The following PLAAT3 variants were observed in gnomAD, a reference collection of about 807,000 sequenced individuals.
The protein encoded by PLAAT3 is phospholipase A and acyltransferase 3.
A neutral mutation model predicts 16.7 loss-of-function variants in PLAAT3; 21 were observed. That is an observed-to-expected ratio of 1.26 (90% CI 0.89 to 1.81). The LOEUF (loss-of-function observed/expected upper bound fraction) is 1.81, where lower values mean the gene tolerates loss of function less well. Ranked by LOEUF, PLAAT3 falls within the 40% of genes most tolerant of loss-of-function variation. The probability of loss-of-function intolerance (pLI) is 0.00; values close to 1 mark genes in which losing one functional copy is unlikely to be tolerated. For synonymous variants in PLAAT3, 76 were observed against 81.7 expected (o/e 0.93, Z 0.38); for missense variants, 219 against 213.7 (o/e 1.02, Z -0.16).
intron 2 of PLAAT3, among the ~76,000 whole-genome samples, chr11:63,606,111 G>A (rs904232301): frequency 2.0e-5 from 3 of 152,086 alleles, no homozygotes; most frequent in Non-Finnish European, 4.4e-5. Context: ...CGCGGTGTAA[G>A]CGGCCAACGA....
intron 2 of PLAAT3, among the ~76,000 whole-genome samples, chr11:63,610,818 C>T (rs1263516550): frequency 4.6e-5 from 7 of 151,980 alleles, no homozygotes; most frequent in Non-Finnish European, 7.4e-5. Flanking sequence ...TCAAGGATGG[C>T]GCAGGTGGAG....
At chr11:63,605,991 C>G (rs761683614) in intron 2 of PLAAT3, among the ~76,000 whole-genome samples, 1 of 152,194 alleles carries the variant, frequency 6.6e-6, no homozygotes, top group Non-Finnish European at 1.5e-5. Flanking sequence ...CAGTCTTGAT[C>G]CGCAGCTGTG....
chr11:63,615,220 G>GTA (rs1565259913), upstream of PLAAT3, among the ~76,000 whole-genome samples: 616 of 54,378 alleles, frequency 0.011, 26 homozygotes, highest in African/African-American at 0.04. Context: ...ATATATATGT[G>GTA]TATATATGTG....
chr11:63,593,661 T>G (rs1261507227), intron 3 of PLAAT3, among the ~76,000 whole-genome samples: 1 of 124,138 alleles, frequency 8.1e-6, no homozygotes, highest in Non-Finnish European at 1.8e-5. Context: ...CTCCGCCTCC[T>G]GCTCGTGCCT....
intron 2 of PLAAT3, among the ~76,000 whole-genome samples, chr11:63,602,819 G>T (rs531175595): frequency 2.0e-5 from 3 of 152,120 alleles, no homozygotes; most frequent in African/African-American, 4.8e-5. Flanking sequence ...ATGGCCAGGC[G>T]CAGCGGCTCA....
chr11:63,585,971 C>A (rs1937961361), intron 4 of PLAAT3, among the ~76,000 whole-genome samples: 1 of 152,082 alleles, frequency 6.6e-6, no homozygotes, highest in African/African-American at 2.4e-5. Flanking sequence ...AATTCCAGCA[C>A]TTTGGGAGAC....
chr11:63,612,826 T>G (rs1001445134), intron 2 of PLAAT3, among the ~76,000 whole-genome samples: 14 of 152,246 alleles, frequency 9.2e-5, no homozygotes, highest in African/African-American at 3.1e-4. Flanking sequence ...TATAAGGTTT[T>G]TACTGTCATG....
intron 3 of PLAAT3, among the ~76,000 whole-genome samples, chr11:63,592,880 G>A (rs543456376): frequency 6.6e-6 from 1 of 152,338 alleles, no homozygotes; most frequent in African/African-American, 2.4e-5. Flanking sequence ...TTTCTCAGCA[G>A]CAGAAGGTCA....
chr11:63,597,851 C>A (rs1271896413), intron 3 of PLAAT3, among the ~76,000 whole-genome samples: 2 of 152,220 alleles, frequency 1.3e-5, no homozygotes, highest in African/African-American at 4.8e-5. Context: ...GACCCCTGCT[C>A]TAAAGAACCC....
At chr11:63,593,666 G>A (rs892055081) in intron 3 of PLAAT3, among the ~76,000 whole-genome samples, 6 of 124,038 alleles carry the variant, frequency 4.8e-5, no homozygotes, top group East Asian at 2.6e-4. Context: ...CCTCCTGCTC[G>A]TGCCTCAGCC....
intron 4 of PLAAT3, among the ~76,000 whole-genome samples, chr11:63,585,941 G>A (rs889732677): frequency 3.3e-5 from 5 of 152,092 alleles, no homozygotes; most frequent in African/African-American, 1.2e-4. Flanking sequence ...TTATGGCCAG[G>A]CGCAGTGGCT....
chr11:63,584,508 G>GTTTT (rs59460211), intron 4 of PLAAT3, among the ~76,000 whole-genome samples: 2 of 140,240 alleles, frequency 1.4e-5, no homozygotes. Context: ...TTTTTTTTTT[G>GTTTT]TTTTTTTTTG....
At chr11:63,600,668 T>A (rs1382000277) in intron 2 of PLAAT3, among the ~76,000 whole-genome samples, 1 of 152,054 alleles carries the variant, frequency 6.6e-6, no homozygotes, top group Non-Finnish European at 1.5e-5. Context: ...AGTGGTGCGA[T>A]CTCGGCTCAC....
rs12295231 is a variant in PLAAT3 at position 63,582,850 on chromosome 11, T to G, written c.387+7250A>C. On this transcript the variant is annotated intron_variant, in intron 4 of 4. Transcript: ENST00000415826. ...TTGGTCACATAGAAGTTTTAACAGATAGCCAGGCACAGTAGCTCATGCTTA... is the reference window on the plus strand; with the variant it reads ...TTGGTCACATAGAAGTTTTAACAGAGAGCCAGGCACAGTAGCTCATGCTTA... Among the ~76,000 whole-genome samples the G allele has an allele frequency of 1.8e-3, 276 of 152,270 alleles. 1 individual carries two copies. The highest frequency in any genetic ancestry group is 6.8e-3 in the Middle Eastern group (2 of 294).
rs1386858467 is a variant in PLAAT3 at position 63,574,695 on chromosome 11, G to A, written c.*250C>T. ...TCCTGCAATGCAAAGAACACAGCACGCAAAAAGAAAGTGAAAGACAATCCC... is the reference window on the plus strand; with the variant it reads ...TCCTGCAATGCAAAGAACACAGCACACAAAAAGAAAGTGAAAGACAATCCC... On this transcript the variant is annotated 3_prime_UTR_variant, in exon 5 of 5. Coordinates refer to ENST00000415826, the MANE Select transcript of PLAAT3 (RefSeq NM_001128203.2). 4.1e-6 allele frequency: 2 copies of A among 482,256 alleles called. No homozygotes were observed. The highest frequency in any genetic ancestry group is 3.6e-5 in the Admixed American group (1 of 27,458). The allele number at this position is 482,256 out of a possible 1,614,324, so 29.9% of individuals were successfully genotyped here. A position where few individuals can be genotyped will look rare whatever the true frequency, so the allele number is the denominator to read the frequency against.
At chr11:63,597,801 C>T (rs949523601) in intron 3 of PLAAT3, among the ~76,000 whole-genome samples, 10 of 152,160 alleles carry the variant, frequency 6.6e-5, no homozygotes, top group Non-Finnish European at 1.5e-4. Context: ...CTCTGGAGCC[C>T]AGTTCCTACC....
rs1264494855 is a variant in PLAAT3, at chr11:63,610,328, G to T, written c.15+3672C>A. On this transcript the variant is annotated intron_variant, in intron 2 of 4. Transcript: ENST00000415826. ...AAAGCGAGTTGCTGCTGCCTCCACA[G>T]CCAAGCCATAGCCCTATTATTGGAT... Among the ~76,000 whole-genome samples, 3 of 152,214 alleles carry T rather than the reference G, an allele frequency of 2.0e-5. No homozygotes were observed. The South Asian group carries it at 6.2e-4, about 32-fold the overall frequency.
At chr11:63,593,260 G>A (rs1284240220) in intron 3 of PLAAT3, among the ~76,000 whole-genome samples, 1 of 152,254 alleles carries the variant, frequency 6.6e-6, no homozygotes, top group East Asian at 1.9e-4. Context: ...GAAAGACAGA[G>A]TGGAGTGACA....
At chr11:63,603,173 T>A (rs1182414218) in intron 2 of PLAAT3, among the ~76,000 whole-genome samples, 4 of 152,188 alleles carry the variant, frequency 2.6e-5, no homozygotes, top group African/African-American at 4.8e-5. Context: ...TAAAAGAACC[T>A]ACATTGATTC....
Sources: allele counts gnomAD v4.1 joint callset (sites outside exome capture counted in the v4.1 genomes callset), GRCh38; gene constraint gnomAD v4.1.1; transcripts MANE v1.5; gene names NCBI Gene and HGNC (gene_info 2026-07-23, HGNC 2026-07-21).